MPDZ: variants seen among roughly 807,000 people sequenced by gnomAD.
MPDZ encodes the protein multiple PDZ domain crumbs cell polarity complex component, also known as multiple PDZ domain protein.
Under a neutral mutation model 239.1 loss-of-function variants are expected in MPDZ, and 234 were observed. That is an observed-to-expected ratio of 0.98 (90% CI 0.88 to 1.09). The LOEUF is 1.09. Ranked by LOEUF, MPDZ falls within the 50% of genes least tolerant of loss-of-function variation. The pLI, the probability that MPDZ is intolerant of heterozygous loss-of-function variation, is 0.00. For missense variants in MPDZ, 3,175 were observed against 2,510.0 expected (o/e 1.26, Z -5.66); for synonymous variants, 1,048 against 881.3 (o/e 1.19, Z -3.35).
At chr9:13,173,036 G>A (rs994773797) in intron 21 of MPDZ, among the ~76,000 whole-genome samples, 2 of 152,164 alleles carry the variant, frequency 1.3e-5, no homozygotes, top group Non-Finnish European at 2.9e-5. Flanking sequence ...GACAAATACT[G>A]TATGATTTCA....
chr9:13,247,912 A>G, intron 2 of MPDZ, 111 bp from the exon 3 acceptor site: 4 of 1,050,544 alleles, frequency 3.8e-6, no homozygotes, highest in African/African-American at 1.6e-5. Flanking sequence ...AGTGCATAAA[A>G]TTGTCTCTTT....
At chr9:13,159,224 T>A (rs1950182620) in intron 23 of MPDZ, among the ~76,000 whole-genome samples, 1 of 152,190 alleles carries the variant, frequency 6.6e-6, no homozygotes, top group Admixed American at 6.6e-5. Flanking sequence ...TCCAAGAACA[T>A]CTCATTCTTT....
intron 3 of MPDZ, among the ~76,000 whole-genome samples, chr9:13,233,989 A>C (rs1008396440): frequency 4.0e-5 from 6 of 151,422 alleles, no homozygotes; most frequent in Non-Finnish European, 7.4e-5. Flanking sequence ...ATCCTCAACA[A>C]ACATATTTTA....
At chr9:13,182,556 C>CA (rs1402073496) in intron 19 of MPDZ, among the ~76,000 whole-genome samples, 2 of 151,464 alleles carry the variant, frequency 1.3e-5, no homozygotes, top group Non-Finnish European at 2.9e-5. Context: ...TATCAATTTC[C>CA]AAAAAACAAC....
rs199839402 is a variant in MPDZ, at chr9:13,126,590, C to G, written c.4558G>C (p.Asp1520His). 22 of 1,604,942 alleles carry G rather than the reference C, an allele frequency of 1.4e-5. No homozygotes were observed. The highest frequency in any genetic ancestry group is 1.8e-5 in the Non-Finnish European group (21 of 1,175,162). Residue 1520 changes from aspartate to histidine, a missense_variant and splice_region_variant, in exon 34 of 47, where the codon GAT becomes CAT. By Grantham distance (81) the Asp-to-His change is moderately conservative. Coordinates refer to ENST00000319217, the MANE Select transcript of MPDZ (RefSeq NM_001378778.1). ...SLTEHGVAAT[D>H]GRLKVGDQIL... ...TGATCTCCGACTTTGAGTCGTCCAT[C>G]CTAAATGGAAACGTAGAAGAATTTG... is the stretch of plus-strand genomic sequence containing the variant.
At chr9:13,276,618 C>G (rs540972752) in intron 1 of MPDZ, 11 of 152,312 alleles carry the variant, frequency 7.2e-5, no homozygotes, top group South Asian at 6.2e-4. Context: ...TGCTTCTTCT[C>G]TTTAAAGTGT....
chr9:13,225,645 C>T (rs888745531), intron 3 of MPDZ, among the ~76,000 whole-genome samples: 4 of 151,952 alleles, frequency 2.6e-5, no homozygotes, highest in African/African-American at 9.7e-5. Flanking sequence ...TGTGCTACAA[C>T]TGCATACAGT....
chr9:13,262,171 T>C (rs1023166963), intron 1 of MPDZ, among the ~76,000 whole-genome samples: 1 of 152,004 alleles, frequency 6.6e-6, no homozygotes, highest in Non-Finnish European at 1.5e-5. Context: ...TGACCAAAAA[T>C]CTGCATTCAG....
At chr9:13,189,963 T>C in intron 16 of MPDZ, 151 bp downstream of exon 16, 8 of 633,352 alleles carry the variant, frequency 1.3e-5, no homozygotes, top group Middle Eastern at 3.9e-4. Flanking sequence ...AGAAATCCTT[T>C]ATGATAATCA....
chr9:13,110,889 C>A, intron 43 of MPDZ, 149 bp from the exon 44 acceptor site: 1 of 539,538 alleles, frequency 1.9e-6, no homozygotes, highest in Non-Finnish European at 3.2e-6. Context: ...ACCACTAATT[C>A]CAAGAAGTCC....
At chr9:13,247,069 G>C (rs1277973055) in intron 3 of MPDZ, among the ~76,000 whole-genome samples, 1 of 152,116 alleles carries the variant, frequency 6.6e-6, no homozygotes, top group Non-Finnish European at 1.5e-5. Flanking sequence ...GTTACATTTA[G>C]AAGTTCTAAT....
At chr9:13,254,428 A>G (rs544618714) in intron 1 of MPDZ, among the ~76,000 whole-genome samples, 51 of 152,354 alleles carry the variant, frequency 3.3e-4, no homozygotes, top group African/African-American at 1.2e-3. Flanking sequence ...TCAAGGTACT[A>G]AATCCCTCAA....
At chr9:13,277,378 A>G (rs1974467470) in intron 1 of MPDZ, among the ~76,000 whole-genome samples, 1 of 152,196 alleles carries the variant, frequency 6.6e-6, no homozygotes, top group South Asian at 2.1e-4. Flanking sequence ...TATGTTGAGA[A>G]TAATCTTCAT....
chr9:13,125,936 G>C (rs1945045601), intron 34 of MPDZ, among the ~76,000 whole-genome samples: 1 of 152,082 alleles, frequency 6.6e-6, no homozygotes, highest in South Asian at 2.1e-4. Flanking sequence ...GCTTCTTACT[G>C]TACAATGAAG....
At chr9:13,111,935 T>C (rs1942552169) in intron 43 of MPDZ, 89 bp downstream of exon 43, 2 of 1,376,238 alleles carry the variant, frequency 1.5e-6, no homozygotes, top group East Asian at 2.4e-5. Flanking sequence ...TATTTAAAAC[T>C]GCCTTGCAAC....
rs1378315013 is a variant in MPDZ, at chr9:13,106,377, G to A, written c.*588C>T. 3 of 151,948 alleles carry A rather than the reference G, an allele frequency of 2.0e-5. No homozygotes were observed. The highest frequency in any genetic ancestry group is 1.5e-5 in the Non-Finnish European group (1 of 68,002). The allele number at this position is 151,948 out of a possible 1,614,324, so 9.4% of individuals were successfully genotyped here. ...CAATTGTAGAAACCAATTTTAGCAG[G>A]AAAAATATATATGCATATTAGAGGT... is the stretch of plus-strand genomic sequence containing the variant. On this transcript the variant is annotated 3_prime_UTR_variant, in exon 47 of 47. Coordinates refer to ENST00000319217, the MANE Select transcript of MPDZ (RefSeq NM_001378778.1).
Position 13,186,310 on chromosome 9 carries a change from C to G in MPDZ, c.2441G>C (p.Gly814Ala), listed in dbSNP as rs375956766. ...LYPPHSCEEA[G>A]LADKPLFRAD... ...CCTGAAGAGGGGTTTGTCAGCCAGCCCTGCTTCCTCACAGGAGTGTGGTGG... is the reference window on the plus strand; with the variant it reads ...CCTGAAGAGGGGTTTGTCAGCCAGCGCTGCTTCCTCACAGGAGTGTGGTGG... Residue 814 changes from glycine to alanine, a missense_variant, in exon 18 of 47, where the codon GGG becomes GCG. Transcript: ENST00000319217. 16 of 1,595,682 alleles carry G rather than the reference C, an allele frequency of 1.0e-5. No homozygotes were observed. Among genetic ancestry groups the G allele is most frequent in the Non-Finnish European group, 1.3e-5 (15 of 1,170,554 alleles).
chr9:13,278,402 C>T (rs1158787603), intron 1 of MPDZ, among the ~76,000 whole-genome samples: 7 of 152,060 alleles, frequency 4.6e-5, no homozygotes, highest in Non-Finnish European at 1.0e-4. Flanking sequence ...GACTACGGAG[C>T]GGCCTCTACC....
intron 10 of MPDZ, among the ~76,000 whole-genome samples, chr9:13,216,122 T>C (rs148641853): frequency 2.0e-3 from 303 of 151,678 alleles, no homozygotes; most frequent in Non-Finnish European, 3.7e-3. Context: ...TAAGGAAGTT[T>C]TGTTGCAGGG....
Sources: allele counts gnomAD v4.1 joint callset (sites outside exome capture counted in the v4.1 genomes callset), GRCh38; gene constraint gnomAD v4.1.1; transcripts MANE v1.5; gene names NCBI Gene and HGNC (gene_info 2026-07-23, HGNC 2026-07-21).